Variants in RP1L1 observed in about 807,000 individuals in gnomAD.
The protein encoded by RP1L1 is retinitis pigmentosa 1-like 1 protein.
Under a neutral mutation model 15.7 loss-of-function variants are expected in RP1L1, and 27 were observed. The ratio of observed to expected loss-of-function variants is 1.72; its 90% CI spans 1.27 to 2.38. RP1L1 has a LOEUF of 2.38. Ranked by LOEUF, RP1L1 falls within the 30% of genes most tolerant of loss-of-function variation. The pLI, the probability that RP1L1 is intolerant of heterozygous loss-of-function variation, is 0.00. For synonymous variants in RP1L1, 1,813 were observed against 1,276.7 expected (o/e 1.42, Z -8.96); for missense variants, 4,798 against 3,075.9 (o/e 1.56, Z -13.24).
intron 1 of RP1L1, among the ~76,000 whole-genome samples, chr8:10,643,236 A>G (rs1298578236): frequency 1.3e-5 from 2 of 152,182 alleles, no homozygotes; most frequent in Non-Finnish European, 2.9e-5. Context: ...GCTACTCAGG[A>G]GGCTGAGGTG....
chr8:10,607,759 T>C lies in RP1L1; in HGVS notation c.6339A>G (p.Ala2113=), dbSNP rs1585957695. 6.4e-7 allele frequency: 1 copy of C among 1,554,442 alleles called. No homozygotes were observed. ...CAGTCTCTGGGGCCTCTATACCTTC[T>C]GCCTTCTGGGCCTCCCCTTCTGCCT... ...APEAEGEAQK[A]EGIEAPETEG... The change falls in exon 4 of 4, where the codon GCA becomes GCG. Residue 2113 remains alanine (A), a synonymous_variant. Transcript: ENST00000382483.
intron 1 of RP1L1, among the ~76,000 whole-genome samples, chr8:10,635,645 T>TC (rs1351776307): frequency 2.6e-5 from 4 of 152,248 alleles, no homozygotes; most frequent in Admixed American, 2.6e-4. Flanking sequence ...GCCTCCATTT[T>TC]CTCTGCTCTT....
At chr8:10,617,399 C>CAAAAAAAAAAA (rs369885056) in intron 2 of RP1L1, among the ~76,000 whole-genome samples, 238 of 82,122 alleles carry the variant, frequency 2.9e-3, no homozygotes, top group African/African-American at 3.4e-3. Context: ...TGCTCATTAA[C>CAAAAAAAAAAA]AAAAAAAAAA....
Position 10,611,289 on chromosome 8 carries a change from G to A in RP1L1, c.2809C>T (p.Gln937Ter). 1.2e-6 allele frequency: 2 copies of A among 1,612,974 alleles called. No individual in the cohort carries two copies. The highest frequency in any genetic ancestry group is 1.7e-6 in the Non-Finnish European group (2 of 1,180,014). ...TLRSGGGPQGQEEASGVSPSS... is the reference protein window; with the variant it reads ...TLRSGGGPQG The stretch of plus-strand genomic sequence containing the variant: ...GGTGACACACCACTGGCCTCCTCCT[G>A]CCCCTGGGGGCCTCCCCCACTCCTC... The change falls in exon 4 of 4, where the codon CAG (glutamine) becomes TAG (stop). Residue 937 changes from glutamine to a stop codon, truncating the protein, a stop_gained. Coordinates refer to ENST00000382483, the MANE Select transcript of RP1L1 (RefSeq NM_178857.6). LOFTEE classifies it low-confidence loss of function (END_TRUNC).
intron 1 of RP1L1, among the ~76,000 whole-genome samples, chr8:10,644,315 A>G (rs994790094): frequency 4.0e-5 from 6 of 151,422 alleles, no homozygotes; most frequent in Non-Finnish European, 8.8e-5. Flanking sequence ...GAGGCTAGAC[A>G]AGGCAGTCTC....
Position 10,607,858 on chromosome 8 carries a change from T to G in RP1L1, c.6240A>C (p.Pro2080=), listed in dbSNP as rs538048238. 1 of 1,585,426 alleles carries G rather than the reference T, an allele frequency of 6.3e-7. No homozygotes were observed. Among genetic ancestry groups the G allele is most frequent in the African/African-American group, 1.4e-5 (1 of 71,932 alleles). The part of the protein sequence containing the change: ...EVQEAEGEAH[P]ESEDVDAQEA... ...CCTGGGCATCTACATCTTCTGACTCTGGGTGGGCCTCCCCTTCTGCCTCCT... is the reference window on the plus strand; with the variant it reads ...CCTGGGCATCTACATCTTCTGACTCGGGGTGGGCCTCCCCTTCTGCCTCCT... The change falls in exon 4 of 4, where the codon CCA becomes CCC. Residue 2080 remains proline, a synonymous_variant. Transcript: ENST00000382483.
rs754207554 is a variant in RP1L1 at position 10,612,693 on chromosome 8, A to G, written c.1405T>C (p.Ser469Pro). 4 of 1,601,386 alleles carry G rather than the reference A, an allele frequency of 2.5e-6. No homozygotes were observed. The highest frequency in any genetic ancestry group is 2.5e-6 in the Non-Finnish European group (3 of 1,177,682). ...TCCGGGGTCCTGGGGCAGCAGGAGG[A>G]CTCTGGCTCCGAGCCCTCGGGGAGG... ...TGLPEGSEPE[S>P]SCCPRTPEDG... The change falls in exon 4 of 4, where the codon TCC becomes CCC. Residue 469 changes from serine (S) to proline (P), a missense_variant. Ser to Pro is a moderately conservative substitution (Grantham distance 74). Coordinates refer to ENST00000382483, the MANE Select transcript of RP1L1 (RefSeq NM_178857.6).
intron 1 of RP1L1, among the ~76,000 whole-genome samples, chr8:10,650,160 C>T (rs1798537438): frequency 6.6e-6 from 1 of 152,216 alleles, no homozygotes; most frequent in Non-Finnish European, 1.5e-5. Context: ...GCTGCTGCAA[C>T]CACCACGTGA....
At chr8:10,645,543 G>A (rs1798464154) in intron 1 of RP1L1, among the ~76,000 whole-genome samples, 1 of 152,172 alleles carries the variant, frequency 6.6e-6, no homozygotes. Context: ...GTACAGCAGA[G>A]TCCAGCCCTC....
chr8:10,615,810 A>G (rs533474510), intron 3 of RP1L1, among the ~76,000 whole-genome samples: 1 of 152,200 alleles, frequency 6.6e-6, no homozygotes, highest in African/African-American at 2.4e-5. Flanking sequence ...CCAAGTTGCT[A>G]GGAATAAAGG....
At chr8:10,615,987 C>A (rs1211041693) in intron 3 of RP1L1, among the ~76,000 whole-genome samples, 1 of 152,218 alleles carries the variant, frequency 6.6e-6, no homozygotes, top group Non-Finnish European at 1.5e-5. Flanking sequence ...TCACTGCAGC[C>A]TCAACCTCCT....
In RP1L1 at chr8:10,612,006, C is replaced by A. The variant is rs1797867211; in HGVS notation, c.2092G>T (p.Asp698Tyr). Residue 698 changes from aspartate (D) to tyrosine (Y), a missense_variant, in exon 4 of 4, where the codon GAT (aspartate) becomes TAT (tyrosine). Asp to Tyr is a radical substitution (Grantham distance 160). Coordinates refer to ENST00000382483, the MANE Select transcript of RP1L1 (RefSeq NM_178857.6). ...RPPERRRACQ[D>Y]GSVPRYSGSS... The stretch of plus-strand genomic sequence containing the variant: ...CCAGAATATCGTGGCACTGAGCCAT[C>A]CTGGCAGGCCCTTCGCCGCTCAGGA... 6.2e-7 allele frequency: 1 copy of A among 1,613,798 alleles called. No homozygotes were observed. Among genetic ancestry groups the A allele is most frequent in the Non-Finnish European group, 8.5e-7 (1 of 1,179,966 alleles).
In RP1L1 at chr8:10,611,569, AG is replaced by A; in HGVS notation, c.2528del (p.Pro843LeufsTer86). On this transcript the variant is annotated frameshift_variant, in exon 4 of 4. Transcript: ENST00000382483. LOFTEE classifies it low-confidence loss of function (END_TRUNC). Reference sequence around the variant, plus strand: ...ACCTGCCACACAGCCAGCTAGCCTCAGGGGAGGGTCCCCGCTGGGCCTCTTG... The same window carrying A: ...ACCTGCCACACAGCCAGCTAGCCTCAGGGAGGGTCCCCGCTGGGCCTCTTG... ...PAQEAQRGPS[P>X]EASWLCGRYC... is the part of the protein sequence containing the mutation. 6.2e-7 allele frequency: 1 copy of A among 1,606,536 alleles called. No individual in the cohort carries two copies. Among genetic ancestry groups the A allele is most frequent in the Non-Finnish European group, 8.5e-7 (1 of 1,176,758 alleles).
rs1245149869 is a variant in RP1L1, at chr8:10,616,093, G to C, written c.751+353C>G. On this transcript the variant is annotated intron_variant, in intron 3 of 3. Coordinates refer to ENST00000382483, the MANE Select transcript of RP1L1 (RefSeq NM_178857.6). ...CATATTTTTTTGTATTTTTTTTTTA[G>C]AGACAGTGTCTCATTATGTTGCCCA... Among the ~76,000 whole-genome samples the C allele has an allele frequency of 3.3e-5, 5 of 150,914 alleles. No homozygotes were observed. The East Asian group carries it at 7.7e-4, about 23-fold the overall frequency.
chr8:10,627,926 C>T (rs956235886), intron 1 of RP1L1, among the ~76,000 whole-genome samples: 3 of 152,188 alleles, frequency 2.0e-5, no homozygotes, highest in East Asian at 1.9e-4. Flanking sequence ...CAGCAGCAAA[C>T]GATGACCACC....
chr8:10,625,895 G>A (rs577839806), intron 1 of RP1L1, among the ~76,000 whole-genome samples: 23 of 152,148 alleles, frequency 1.5e-4, no homozygotes, highest in East Asian at 1.9e-4. Flanking sequence ...CAGTGCAGGT[G>A]GGGGGCAGGC....
chr8:10,646,712 G>A (rs776484456), intron 1 of RP1L1, among the ~76,000 whole-genome samples: 11 of 152,172 alleles, frequency 7.2e-5, no homozygotes, highest in Non-Finnish European at 1.3e-4. Flanking sequence ...CAAGCACCGA[G>A]GACAGCTGTA....
intron 3 of RP1L1, among the ~76,000 whole-genome samples, 177 bp from the exon 4 acceptor site, chr8:10,613,523 G>T (rs983089054): frequency 6.6e-6 from 1 of 150,958 alleles, no homozygotes; most frequent in Non-Finnish European, 1.5e-5. Flanking sequence ...AAGCACTTTG[G>T]GAGGCCGAGG....
chr8:10,616,975 G>A (rs566447061), intron 2 of RP1L1, among the ~76,000 whole-genome samples: 2 of 152,110 alleles, frequency 1.3e-5, no homozygotes, highest in South Asian at 2.1e-4. Flanking sequence ...AGCGGGGCCC[G>A]ATTCACTCTC....
Sources: gnomAD v4.1 joint callset for allele counts (sites outside exome capture counted in the v4.1 genomes callset) on GRCh38, gnomAD v4.1.1 for gene constraint, MANE v1.5 for transcripts, NCBI Gene and HGNC (gene_info 2026-07-23, HGNC 2026-07-21) for gene names.